EPHA4: variants seen among roughly 807,000 people sequenced by gnomAD.
EPHA4 encodes the protein ephrin type-A receptor 4.
A neutral mutation model predicts 108.3 loss-of-function variants in EPHA4; 19 were observed. The observed-to-expected ratio is 0.18, with a 90% CI of 0.12 to 0.26. EPHA4 has a LOEUF of 0.26. Among genes scored for constraint, EPHA4 ranks in the 10% least tolerant of loss-of-function variants. EPHA4 has a pLI of 1.00. For synonymous variants in EPHA4, 449 were observed against 455.5 expected (o/e 0.99, Z 0.18); for missense variants, 917 against 1,254.0 (o/e 0.73, Z 4.06).
intron 3 of EPHA4, among the ~76,000 whole-genome samples, chr2:221,504,524 T>A (rs943387206): frequency 7.9e-6 from 1 of 125,900 alleles, no homozygotes; most frequent in Admixed American, 9.2e-5. Context: ...TGATTACACC[T>A]ACTATTTGAA....
intron 4 of EPHA4, among the ~76,000 whole-genome samples, chr2:221,498,185 T>C (rs1279878163): frequency 6.6e-6 from 1 of 152,136 alleles, no homozygotes; most frequent in Non-Finnish European, 1.5e-5. Context: ...ATCATGAGAC[T>C]GAAAAATACC....
intron 14 of EPHA4, among the ~76,000 whole-genome samples, chr2:221,430,459 G>A (rs1473500676): frequency 6.6e-6 from 1 of 151,906 alleles, no homozygotes; most frequent in South Asian, 2.1e-4. Flanking sequence ...ATGTGGCCCT[G>A]CCCCCTGCCC....
intron 4 of EPHA4, among the ~76,000 whole-genome samples, chr2:221,483,677 G>A (rs1309023686): frequency 6.6e-6 from 1 of 152,070 alleles, no homozygotes; most frequent in African/African-American, 2.4e-5. Flanking sequence ...CACCACACCT[G>A]CTATCTTTGG....
intron 1 of EPHA4, 78 bp from the exon 2 acceptor site, chr2:221,568,863 T>C (rs1288363306): frequency 8.1e-7 from 1 of 1,238,116 alleles, no homozygotes; most frequent in Non-Finnish European, 1.1e-6. Flanking sequence ...GCCTGAGCGT[T>C]TCCATATGTG....
intron 11 of EPHA4, among the ~76,000 whole-genome samples, chr2:221,440,597 C>T (rs1370039305): frequency 6.8e-6 from 1 of 147,990 alleles, no homozygotes; most frequent in African/African-American, 2.5e-5. Flanking sequence ...ATATCCTTCT[C>T]ACCAAGGTTC....
At chr2:221,567,996 T>C (rs919888924) in intron 2 of EPHA4, among the ~76,000 whole-genome samples, 1 of 152,018 alleles carries the variant, frequency 6.6e-6, no homozygotes, top group South Asian at 2.1e-4. Flanking sequence ...TTAGGGGGAG[T>C]AGGAGAATGT....
rs1215619718 is a variant in EPHA4, at chr2:221,418,341, A to G, written c.*3031T>C. The G allele has an allele frequency of 6.6e-6, 1 of 152,638 alleles. No individual in the cohort carries two copies. The highest frequency in any genetic ancestry group is 2.4e-5 in the African/African-American group (1 of 41,444). 9.5% of individuals were successfully genotyped at this position (152,638 alleles called of 1,614,324 possible). A position where few individuals can be genotyped will look rare whatever the true frequency, so the allele number is the denominator to read the frequency against. Reference sequence around the variant, plus strand: ...TTCTAATTTGAACCACAGTCCTTGCATATTCCAACATACTTAGAGTGATAC... The same window carrying G: ...TTCTAATTTGAACCACAGTCCTTGCGTATTCCAACATACTTAGAGTGATAC... On this transcript the variant is annotated 3_prime_UTR_variant, in exon 18 of 18. Coordinates refer to ENST00000281821, the MANE Select transcript of EPHA4 (RefSeq NM_004438.5).
At chr2:221,565,204 T>A (rs1694593264) in intron 2 of EPHA4, among the ~76,000 whole-genome samples, 1 of 152,232 alleles carries the variant, frequency 6.6e-6, no homozygotes, top group Non-Finnish European at 1.5e-5. Context: ...TGTTTATGAC[T>A]GAAGGCCCAA....
chr2:221,463,458 G>A (rs1297148371), intron 5 of EPHA4, among the ~76,000 whole-genome samples: 1 of 152,146 alleles, frequency 6.6e-6, no homozygotes, highest in East Asian at 1.9e-4. Flanking sequence ...AGACCACAAT[G>A]CACTGAGAAG....
intron 11 of EPHA4, chr2:221,437,389 G>T: frequency 3.0e-6 from 1 of 328,614 alleles, no homozygotes; most frequent in Non-Finnish European, 5.5e-6. Context: ...TATCCAGGGA[G>T]CATATGAATG....
At chr2:221,454,692 C>T (rs539813066) in intron 8 of EPHA4, among the ~76,000 whole-genome samples, 2 of 152,268 alleles carry the variant, frequency 1.3e-5, no homozygotes, top group South Asian at 4.1e-4. Flanking sequence ...AATGACTACT[C>T]CTCTGGAGCC....
At chr2:221,456,513 C>T (rs1353660485) in intron 7 of EPHA4, 100 bp downstream of exon 7, 1 of 1,316,268 alleles carries the variant, frequency 7.6e-7, no homozygotes, top group Non-Finnish European at 1.0e-6. Context: ...GTCTGCTGAA[C>T]CAAAAATTAC....
chr2:221,527,986 C>T, intron 3 of EPHA4, among the ~76,000 whole-genome samples: 1 of 152,132 alleles, frequency 6.6e-6, no homozygotes, highest in East Asian at 1.9e-4. Flanking sequence ...AGTGTTTATA[C>T]ATCTTTCCCA....
At position 221,563,987 on chromosome 2, in the gene EPHA4, C is replaced by T. The variant is rs1694549319; in HGVS notation, c.567G>A (p.Gly189=). 1.9e-6 allele frequency: 3 copies of T among 1,613,970 alleles called. No homozygotes were observed. The highest frequency in any genetic ancestry group is 2.2e-5 in the South Asian group (2 of 91,068). The change falls in exon 3 of 18, where the codon GGG becomes GGA. Residue 189 remains glycine, a synonymous_variant. Coordinates refer to ENST00000281821, the MANE Select transcript of EPHA4 (RefSeq NM_004438.5). ...GGACTGATACCAGGGCGATGCAGGCCCCCACATCCTGAAAAGCCAGGTAAA... is the reference window on the plus strand; with the variant it reads ...GGACTGATACCAGGGCGATGCAGGCTCCCACATCCTGAAAAGCCAGGTAAA... ...KGFYLAFQDV[G]ACIALVSVRV...
chr2:221,503,421 C>T (rs888366637), intron 3 of EPHA4, among the ~76,000 whole-genome samples: 1 of 152,176 alleles, frequency 6.6e-6, no homozygotes, highest in Non-Finnish European at 1.5e-5. Context: ...AAAAATTAAA[C>T]TCATCTTTTG....
chr2:221,487,159 T>C (rs1309738828), intron 4 of EPHA4, among the ~76,000 whole-genome samples: 1 of 152,178 alleles, frequency 6.6e-6, no homozygotes, highest in Non-Finnish European at 1.5e-5. Context: ...TTATGGTGTA[T>C]CTAGTGTTTA....
chr2:221,447,842 T>TTTAA (rs1553570863), intron 8 of EPHA4, among the ~76,000 whole-genome samples: 1 of 151,386 alleles, frequency 6.6e-6, no homozygotes, highest in Non-Finnish European at 1.5e-5. Context: ...TATTTATTTA[T>TTTAA]TTAATTTATT....
intron 11 of EPHA4, among the ~76,000 whole-genome samples, chr2:221,438,515 C>T (rs1277501133): frequency 1.3e-5 from 2 of 152,008 alleles, no homozygotes; most frequent in Non-Finnish European, 1.5e-5. Context: ...TGGCAGGGCA[C>T]GGTGGCTCAC....
chr2:221,432,909 C>T (rs1690123282), intron 14 of EPHA4, among the ~76,000 whole-genome samples: 1 of 144,996 alleles, frequency 6.9e-6, no homozygotes, highest in Non-Finnish European at 1.5e-5. Flanking sequence ...ACTGCAATCT[C>T]TGCCTCTTAG....
Sources: allele counts gnomAD v4.1 joint callset (sites outside exome capture counted in the v4.1 genomes callset), GRCh38; gene constraint gnomAD v4.1.1; transcripts MANE v1.5; gene names NCBI Gene and HGNC (gene_info 2026-07-23, HGNC 2026-07-21).